The following PCDH11X variants were observed in gnomAD, a reference collection of about 807,000 sequenced individuals.
The protein encoded by PCDH11X is protocadherin 11 X-linked, also known as protocadherin-11 X-linked.
PCDH11X carries 18 observed loss-of-function variants against 53.3 expected under a neutral mutation model. The ratio of observed to expected loss-of-function variants is 0.34; its 90% CI spans 0.23 to 0.50. The LOEUF (loss-of-function observed/expected upper bound fraction) is 0.50, where lower values mean the gene tolerates loss of function less well. Ranked by LOEUF, PCDH11X falls within the 20% of genes least tolerant of loss-of-function variation. The probability of loss-of-function intolerance (pLI) is 0.98; values close to 1 mark genes in which losing one functional copy is unlikely to be tolerated. For missense variants in PCDH11X, 570 were observed against 1,032.4 expected (o/e 0.55, Z 6.14); for synonymous variants, 279 against 393.3 (o/e 0.71, Z 3.44).
intron 10 of PCDH11X, among the ~76,000 whole-genome samples, chrX:92,501,337 G>A (rs920527148): frequency 2.0e-4 from 22 of 111,584 alleles, no homozygotes; most frequent in Non-Finnish European, 3.2e-4. Flanking sequence ...AAACTATTCC[G>A]AAAAACTGAA....
intron 10 of PCDH11X, chrX:92,515,376 C>T (rs890137721): frequency 5.5e-4 from 107 of 195,633 alleles, no homozygotes; most frequent in Non-Finnish European, 7.9e-4. Flanking sequence ...CGGCCCCAGC[C>T]GCCCCCGACA....
At chrX:92,451,434 T>C (rs1367185118) in intron 9 of PCDH11X, among the ~76,000 whole-genome samples, 2 of 111,274 alleles carry the variant, frequency 1.8e-5, no homozygotes, top group Non-Finnish European at 3.8e-5. Context: ...GAAATAATAT[T>C]TTTGTAAAAT....
chrX:92,345,647 C>G (rs1382910897), intron 8 of PCDH11X, among the ~76,000 whole-genome samples: 1 of 111,186 alleles, frequency 9.0e-6, no homozygotes, highest in Non-Finnish European at 1.9e-5. Context: ...CAGAAGAAAT[C>G]TCAAAAAAAT....
intron 9 of PCDH11X, among the ~76,000 whole-genome samples, chrX:92,465,452 A>G (rs1277622277): frequency 1.8e-5 from 2 of 112,106 alleles, no homozygotes; most frequent in African/African-American, 6.5e-5. Context: ...GCTTTATTAC[A>G]TGACTTTAAA....
intron 5 of PCDH11X, among the ~76,000 whole-genome samples, chrX:91,875,431 C>A (rs1458832039): frequency 9.3e-6 from 1 of 106,989 alleles, no homozygotes. Context: ...CACAGGCGCC[C>A]GCCACCACGC....
At chrX:92,380,999 G>T (rs1225050058) in intron 8 of PCDH11X, among the ~76,000 whole-genome samples, 1 of 94,695 alleles carries the variant, frequency 1.1e-5, no homozygotes, top group Non-Finnish European at 2.1e-5. Context: ...AAAATAAGTA[G>T]AGGGGAGTCT....
At chrX:91,956,336 G>C (rs2061710903) in intron 6 of PCDH11X, among the ~76,000 whole-genome samples, 1 of 111,595 alleles carries the variant, frequency 9.0e-6, no homozygotes, top group South Asian at 3.7e-4. Context: ...TTATGTAGTT[G>C]CTTCATAGTG....
chrX:92,417,348 TA>T (rs1160725305), intron 9 of PCDH11X, among the ~76,000 whole-genome samples: 1 of 110,931 alleles, frequency 9.0e-6, no homozygotes, highest in African/African-American at 3.3e-5. Flanking sequence ...AAATCAGTAC[TA>T]TTTTTTTTTG....
In PCDH11X at chrX:92,186,621, T is replaced by A. The variant is rs1375893055; in HGVS notation, c.3034-14754T>A. On this transcript the variant is annotated intron_variant, in intron 6 of 10. Coordinates refer to ENST00000682573, the MANE Select transcript of PCDH11X (RefSeq NM_032968.5). ...CCAGCCTGGGCAACAAGAGCGAAAC[T>A]CCGTCTCAAAAAAAAAAAAAAAAAA... Among the ~76,000 whole-genome samples the A allele has an allele frequency of 2.9e-4, 13 of 44,434 alleles. No homozygotes were observed. The East Asian group carries it at 6.7e-3, about 23-fold the overall frequency. 38.6% of individuals were successfully genotyped at this position (44,434 alleles called of 115,157 possible).
At chrX:91,949,593 C>T in intron 6 of PCDH11X, among the ~76,000 whole-genome samples, 1 of 109,983 alleles carries the variant, frequency 9.1e-6, no homozygotes, top group South Asian at 3.8e-4. Context: ...CTACTTTTGT[C>T]ACCTGGGTAA....
intron 6 of PCDH11X, among the ~76,000 whole-genome samples, chrX:92,160,171 TCCATAGGTTATTAGAAATAA>T (rs2065616159): frequency 9.1e-6 from 1 of 109,600 alleles, no homozygotes; most frequent in South Asian, 3.9e-4. Context: ...TTTTTTAATT[TCCATAGGTTATTAGAAATAA>T]CCAGGTGGTA....
intron 9 of PCDH11X, among the ~76,000 whole-genome samples, chrX:92,414,932 G>A (rs192131285): frequency 0.029 from 3,195 of 110,099 alleles, 105 homozygotes; most frequent in East Asian, 0.087. Flanking sequence ...TTTTCAGAAG[G>A]TAATTATATT....
At chrX:92,119,037 G>A (rs955931573) in intron 6 of PCDH11X, among the ~76,000 whole-genome samples, 2 of 108,845 alleles carry the variant, frequency 1.8e-5, no homozygotes, top group East Asian at 2.9e-4. Flanking sequence ...CACTGCGCCC[G>A]GCCAATATAA....
chrX:91,984,744 C>T (rs1218805159), intron 6 of PCDH11X, among the ~76,000 whole-genome samples: 2 of 107,998 alleles, frequency 1.9e-5, no homozygotes, highest in Admixed American at 2.0e-4. Context: ...CTTTCTCCCG[C>T]CCCCCATCCA....
At chrX:92,609,790 G>A (rs1158740623) in intron 10 of PCDH11X, among the ~76,000 whole-genome samples, 2 of 110,233 alleles carry the variant, frequency 1.8e-5, no homozygotes, top group Non-Finnish European at 3.8e-5. Flanking sequence ...TATTGTTGCT[G>A]TCTTTATTTC....
intron 6 of PCDH11X, among the ~76,000 whole-genome samples, chrX:91,989,686 T>G (rs2062289425): frequency 9.0e-6 from 1 of 110,679 alleles, no homozygotes; most frequent in South Asian, 3.9e-4. Context: ...AAAAAATGGT[T>G]GTATATCTAA....
intron 5 of PCDH11X, among the ~76,000 whole-genome samples, chrX:91,870,980 G>A (rs35472446): frequency 1.8e-5 from 2 of 110,644 alleles, no homozygotes; most frequent in African/African-American, 6.6e-5. Context: ...ATTGTAATCC[G>A]TTTTTTATTG....
chrX:92,482,498 A>C (rs1227746543), intron 10 of PCDH11X, among the ~76,000 whole-genome samples: 5 of 111,776 alleles, frequency 4.5e-5, no homozygotes, highest in Middle Eastern at 4.8e-3. Flanking sequence ...CAGAGGAAAT[A>C]ATTTTTTTAC....
chrX:92,395,377 ATCACTATT>A (rs925237214), intron 9 of PCDH11X, among the ~76,000 whole-genome samples: 5 of 111,242 alleles, frequency 4.5e-5, no homozygotes, highest in African/African-American at 1.6e-4. Context: ...TCTTTGTGTA[ATCACTATT>A]CATGAAACCT....
Sources: gnomAD v4.1 joint callset for allele counts (sites outside exome capture counted in the v4.1 genomes callset) on GRCh38, gnomAD v4.1.1 for gene constraint, MANE v1.5 for transcripts, NCBI Gene and HGNC (gene_info 2026-07-23, HGNC 2026-07-21) for gene names.